LAPTM4B: variants seen among roughly 807,000 people sequenced by gnomAD.
The protein encoded by LAPTM4B is lysosomal protein transmembrane 4 beta.
A neutral mutation model predicts 28.5 loss-of-function variants in LAPTM4B; 26 were observed. The ratio of observed to expected loss-of-function variants is 0.91; its 90% CI spans 0.67 to 1.27. LAPTM4B has a LOEUF of 1.27. LAPTM4B is among the 50% of genes most tolerant of loss of function. The pLI, the probability that LAPTM4B is intolerant of heterozygous loss-of-function variation, is 0.00. For synonymous variants in LAPTM4B, 109 were observed against 106.4 expected (o/e 1.02, Z -0.15); for missense variants, 288 against 285.8 (o/e 1.01, Z -0.06).
intron 1 of LAPTM4B, among the ~76,000 whole-genome samples, chr8:97,779,278 C>T (rs948178649): frequency 4.6e-5 from 7 of 151,938 alleles, no homozygotes; most frequent in Non-Finnish European, 5.9e-5. Flanking sequence ...GTCAGGAGTT[C>T]GAGACCAGCC....
At chr8:97,811,516 G>T (rs1816826728) in intron 2 of LAPTM4B, among the ~76,000 whole-genome samples, 1 of 152,138 alleles carries the variant, frequency 6.6e-6, no homozygotes, top group African/African-American at 2.4e-5. Flanking sequence ...TTGAAGTTTT[G>T]ATAATGAAAA....
At chr8:97,840,894 T>C (rs113884199) in intron 6 of LAPTM4B, among the ~76,000 whole-genome samples, 6,410 of 135,606 alleles carry the variant, frequency 0.047, 367 homozygotes, top group African/African-American at 0.15. Flanking sequence ...CAGAGGCGCT[T>C]CTCACATCCC....
At chr8:97,788,983 A>G (rs1472540419) in intron 1 of LAPTM4B, among the ~76,000 whole-genome samples, 3 of 149,134 alleles carry the variant, frequency 2.0e-5, no homozygotes, top group African/African-American at 7.4e-5. Context: ...CGTGAGCTAC[A>G]GCGCCCAGCC....
chr8:97,846,602 C>T (rs978104328), intron 6 of LAPTM4B, among the ~76,000 whole-genome samples: 1 of 152,228 alleles, frequency 6.6e-6, no homozygotes, highest in South Asian at 2.1e-4. Context: ...ACTGGAATTA[C>T]AGGCGTGAGC....
intron 5 of LAPTM4B, among the ~76,000 whole-genome samples, chr8:97,820,672 T>C (rs1462857454): frequency 1.3e-5 from 2 of 151,990 alleles, no homozygotes; most frequent in African/African-American, 4.8e-5. Context: ...TGTGAGGCTG[T>C]AGTGTGCTAT....
intron 2 of LAPTM4B, among the ~76,000 whole-genome samples, chr8:97,814,194 A>G (rs1816867515): frequency 1.3e-5 from 2 of 152,170 alleles, no homozygotes; most frequent in African/African-American, 4.8e-5. Context: ...CTCCTTATTT[A>G]CCAGAGATTG....
Position 97,817,556 on chromosome 8 carries a change from C to T in LAPTM4B, c.408+1376C>T, listed in dbSNP as rs138073286. ...TCCGCCTCCCTGGGTTCAAGCCATTCTCCTGCCTCAGTCTCCTGAGTAGCT... is the reference window on the plus strand; with the variant it reads ...TCCGCCTCCCTGGGTTCAAGCCATTTTCCTGCCTCAGTCTCCTGAGTAGCT... On this transcript the variant is annotated intron_variant, in intron 4 of 6. Coordinates refer to ENST00000521545, the MANE Select transcript of LAPTM4B (RefSeq NM_018407.6). Among the ~76,000 whole-genome samples, 911 of 148,868 alleles carry T rather than the reference C, an allele frequency of 6.1e-3. 8 individuals are homozygous for T. Among genetic ancestry groups the T allele is most frequent in the African/African-American group, 0.021 (858 of 40,514 alleles).
intron 6 of LAPTM4B, among the ~76,000 whole-genome samples, chr8:97,829,262 G>T (rs972620126): frequency 1.3e-5 from 2 of 152,292 alleles, no homozygotes; most frequent in Non-Finnish European, 2.9e-5. Context: ...ATAAGACTAG[G>T]TATAAGCAGG....
At chr8:97,795,837 TAAAAAAA>T (rs1190473113) in intron 1 of LAPTM4B, among the ~76,000 whole-genome samples, 7 of 114,132 alleles carry the variant, frequency 6.1e-5, no homozygotes, top group Admixed American at 1.9e-4. Context: ...ACTCTGTCTT[TAAAAAAA>T]AAAAAAAAAA....
chr8:97,828,683 G>A (rs1014045123), intron 6 of LAPTM4B, among the ~76,000 whole-genome samples: 2 of 152,184 alleles, frequency 1.3e-5, no homozygotes, highest in African/African-American at 2.4e-5. Flanking sequence ...AGGCCTCAGC[G>A]ATTTTGGAGG....
intron 6 of LAPTM4B, among the ~76,000 whole-genome samples, chr8:97,847,919 T>C (rs567771142): frequency 3.1e-4 from 47 of 152,346 alleles, no homozygotes; most frequent in South Asian, 2.9e-3. Flanking sequence ...TCTTAAGCTT[T>C]GGATTAAGGG....
rs781283612 is a variant in LAPTM4B, at chr8:97,776,045, C to T, written c.36C>T (p.Ser12=). Residue 12 remains serine (S), a synonymous_variant, in exon 1 of 7, where the codon TCC becomes TCT. Transcript: ENST00000521545. ...KMVAPWTRFY[S]NSCCLCCHVR... ...TCGCGCCCTGGACGCGGTTCTACTC[C>T]AACAGCTGCTGCTTGTGCTGCCATG... 107 of 1,587,698 alleles carry T rather than the reference C, an allele frequency of 6.7e-5. No homozygotes were observed. The highest frequency in any genetic ancestry group is 9.1e-5 in the Non-Finnish European group (107 of 1,170,466).
At chr8:97,818,322 C>T (rs1343784759) in intron 4 of LAPTM4B, among the ~76,000 whole-genome samples, 6 of 150,854 alleles carry the variant, frequency 4.0e-5, no homozygotes, top group Admixed American at 2.6e-4. Context: ...GAATATTGCT[C>T]GTGAGGAATC....
chr8:97,797,707 C>G (rs977592441), intron 1 of LAPTM4B, among the ~76,000 whole-genome samples: 9 of 151,762 alleles, frequency 5.9e-5, no homozygotes, highest in African/African-American at 2.2e-4. Context: ...TTTATTGAGG[C>G]TTTTAAAAAG....
chr8:97,808,986 ATTAC>A, intron 2 of LAPTM4B, among the ~76,000 whole-genome samples: 1 of 152,146 alleles, frequency 6.6e-6, no homozygotes. Context: ...AAAGAAAGTA[ATTAC>A]AAACTATTCA....
At chr8:97,814,756 C>T (rs376201456) in intron 2 of LAPTM4B, among the ~76,000 whole-genome samples, 44 of 118,782 alleles carry the variant, frequency 3.7e-4, no homozygotes, top group African/African-American at 9.8e-4. Flanking sequence ...TGCAGTGGCG[C>T]GATCTCGGCT....
chr8:97,806,040 C>A (rs1273058260), intron 2 of LAPTM4B, among the ~76,000 whole-genome samples: 2 of 152,136 alleles, frequency 1.3e-5, no homozygotes, highest in Non-Finnish European at 2.9e-5. Flanking sequence ...TGTGCATAAT[C>A]TCCAGCAGAA....
intron 1 of LAPTM4B, among the ~76,000 whole-genome samples, chr8:97,779,883 C>A (rs1341224430): frequency 1.3e-5 from 2 of 151,204 alleles, no homozygotes; most frequent in Non-Finnish European, 2.9e-5. Flanking sequence ...GAAACCTCAT[C>A]TCTACTAAAA....
chr8:97,821,866 T>G (rs1214658914), intron 5 of LAPTM4B, among the ~76,000 whole-genome samples: 1 of 152,078 alleles, frequency 6.6e-6, no homozygotes, highest in African/African-American at 2.4e-5. Flanking sequence ...TCCAAGACAC[T>G]TTTACCTTAT....
Sources: allele counts gnomAD v4.1 joint callset (sites outside exome capture counted in the v4.1 genomes callset), GRCh38; gene constraint gnomAD v4.1.1; transcripts MANE v1.5; gene names NCBI Gene and HGNC (gene_info 2026-07-23, HGNC 2026-07-21).